Variants in PTPN12 observed in about 807,000 individuals in gnomAD.
PTPN12 encodes the protein protein tyrosine phosphatase non-receptor type 12.
PTPN12 carries 29 observed loss-of-function variants against 97.6 expected under a neutral mutation model. The ratio of observed to expected loss-of-function variants is 0.30; its 90% CI spans 0.22 to 0.41. PTPN12 has a LOEUF of 0.41. Among genes scored for constraint, PTPN12 ranks in the 10% least tolerant of loss-of-function variants. The probability of loss-of-function intolerance (pLI) is 1.00; values close to 1 mark genes in which losing one functional copy is unlikely to be tolerated. For missense variants in PTPN12, 819 were observed against 926.0 expected, an observed-to-expected ratio of 0.88 and a Z score of 1.50; for synonymous variants, 327 against 300.4, an observed-to-expected ratio of 1.09 and a Z score of -0.91.
chr7:77,563,845 A>C (rs529769366), intron 1 of PTPN12: 1 of 297,400 alleles, frequency 3.4e-6, no homozygotes, highest in East Asian at 1.2e-4. Flanking sequence ...AAAGGTAGAC[A>C]TTGCAGTTGT....
intron 9 of PTPN12, among the ~76,000 whole-genome samples, chr7:77,608,973 A>G (rs1369884267): frequency 6.6e-6 from 1 of 152,194 alleles, no homozygotes; most frequent in African/African-American, 2.4e-5. Context: ...TAATTCCAGC[A>G]CTTTTGAAGG....
intron 6 of PTPN12, among the ~76,000 whole-genome samples, chr7:77,593,730 C>A (rs1379329800): frequency 6.6e-6 from 1 of 152,204 alleles, no homozygotes; most frequent in Non-Finnish European, 1.5e-5. Context: ...TTAATCTTCT[C>A]CAAAAACAGT....
At chr7:77,559,178 C>T (rs541986516) in intron 1 of PTPN12, among the ~76,000 whole-genome samples, 2 of 152,326 alleles carry the variant, frequency 1.3e-5, no homozygotes, top group East Asian at 3.8e-4. Flanking sequence ...GACAACGTTT[C>T]ACACATGTTG....
chr7:77,582,517 C>T (rs1363227400), intron 3 of PTPN12, among the ~76,000 whole-genome samples: 1 of 152,020 alleles, frequency 6.6e-6, no homozygotes, highest in Non-Finnish European at 1.5e-5. Flanking sequence ...GGCACGGTGG[C>T]TCATGTCCGT....
intron 8 of PTPN12, among the ~76,000 whole-genome samples, chr7:77,601,837 G>A (rs988888138): frequency 6.6e-6 from 1 of 151,984 alleles, no homozygotes; most frequent in African/African-American, 2.4e-5. Flanking sequence ...ATTTAAAGCC[G>A]GAAGCAAGCA....
chr7:77,636,996 G>T (rs17382715), intron 15 of PTPN12, 22 bp from the exon 16 acceptor site: 36,331 of 1,580,834 alleles, frequency 0.023, 538 homozygotes, highest in Middle Eastern at 0.061. Flanking sequence ...ATTGTAATAG[G>T]TATTAAATGT....
rs1410437744 is a variant in PTPN12 at position 77,638,626 on chromosome 7, C to T, written c.2176C>T (p.His726Tyr). The T allele has an allele frequency of 2.5e-6, 4 of 1,586,900 alleles. No homozygotes were observed. Among genetic ancestry groups the T allele is most frequent in the Middle Eastern group, 1.7e-4 (1 of 5,968 alleles). ...AAAGGCTTTGTGTTGCTACTTAGAT[C>T]ATCCAGCGGGAGGTATTCACTATGA... The part of the protein sequence containing the change: ...LITSENEKCD[H>Y]PAGGIHYEMC... The change falls in exon 17 of 18, where the codon CAT (histidine) becomes TAT (tyrosine). Residue 726 changes from histidine to tyrosine, a missense_variant and splice_region_variant. Coordinates refer to ENST00000248594, the MANE Select transcript of PTPN12 (RefSeq NM_002835.4).
chr7:77,608,765 A>G (rs1733416352), intron 9 of PTPN12, among the ~76,000 whole-genome samples: 1 of 152,228 alleles, frequency 6.6e-6, no homozygotes, highest in African/African-American at 2.4e-5. Flanking sequence ...TTTTTCCTCA[A>G]AAACTATAAT....
intron 13 of PTPN12, among the ~76,000 whole-genome samples, chr7:77,628,337 A>G (rs899306687): frequency 1.3e-5 from 2 of 152,184 alleles, no homozygotes; most frequent in Non-Finnish European, 2.9e-5. Flanking sequence ...TCAGTTCCCA[A>G]AGTGTATTAT....
At chr7:77,555,210 T>G (rs995338889) in intron 1 of PTPN12, among the ~76,000 whole-genome samples, 40 of 151,910 alleles carry the variant, frequency 2.6e-4, no homozygotes, top group African/African-American at 9.7e-4. Context: ...TTTAAACGAT[T>G]TGTTTATCTT....
chr7:77,604,897 C>G (rs1429541746), intron 8 of PTPN12: 2 of 433,608 alleles, frequency 4.6e-6, no homozygotes, highest in Middle Eastern at 3.3e-4. Flanking sequence ...TCCTTTGCCA[C>G]TTACTGAACG....
Position 77,571,320 on chromosome 7 carries a change from A to T in PTPN12, c.208+134A>T, listed in dbSNP as rs79798040. ...CCTATCTTTCAAAGTACATGGAAAG[A>T]TAATAATTCATAATTGTGCTTTTTG... On this transcript the variant is annotated intron_variant, in intron 2 of 17. Coordinates refer to ENST00000248594, the MANE Select transcript of PTPN12 (RefSeq NM_002835.4). The T allele has an allele frequency of 1.6e-3, 945 of 577,912 alleles. 21 individuals carry two copies. In the East Asian group the frequency reaches 0.023, roughly 14 times the overall value. 35.8% of individuals were successfully genotyped at this position (577,912 alleles called of 1,614,324 possible). A position where few individuals can be genotyped will look rare whatever the true frequency, so the allele number is the denominator to read the frequency against.
chr7:77,591,579 G>C (rs1054586271), intron 5 of PTPN12, among the ~76,000 whole-genome samples: 2 of 152,186 alleles, frequency 1.3e-5, no homozygotes, highest in African/African-American at 4.8e-5. Context: ...TCATGTTTGT[G>C]TAGGGCTTTT....
intron 1 of PTPN12, among the ~76,000 whole-genome samples, chr7:77,549,578 G>T (rs890417738): frequency 1.3e-5 from 2 of 148,488 alleles, no homozygotes; most frequent in African/African-American, 2.5e-5. Flanking sequence ...GTTTTTGTTT[G>T]TTTGTTTTTT....
intron 8 of PTPN12, among the ~76,000 whole-genome samples, chr7:77,605,409 G>GTTTTTTTTTTTTTTT (rs751962814): frequency 7.3e-5 from 7 of 95,556 alleles, no homozygotes; most frequent in African/African-American, 2.9e-4. Context: ...TTTGTCATGA[G>GTTTTTTTTTTTTTTT]TTTTTTTTTT....
chr7:77,554,876 C>T (rs1018544854), intron 1 of PTPN12, among the ~76,000 whole-genome samples: 7 of 152,056 alleles, frequency 4.6e-5, no homozygotes, highest in East Asian at 1.9e-4. Flanking sequence ...TTTGTAGAAA[C>T]GAGGTCTCAC....
chr7:77,538,099 G>A (rs1242439105), intron 1 of PTPN12: 5 of 990,898 alleles, frequency 5.0e-6, no homozygotes, highest in Non-Finnish European at 4.8e-6. Context: ...AGGAACGGGG[G>A]TATTGAGGTT....
At chr7:77,540,647 C>CTT (rs77085606) in intron 1 of PTPN12, among the ~76,000 whole-genome samples, 8 of 139,130 alleles carry the variant, frequency 5.8e-5, no homozygotes, top group South Asian at 2.3e-4. Flanking sequence ...TTTTATAGGG[C>CTT]TTTTTTTTTT....
At chr7:77,612,206 A>T (rs1234669537) in intron 11 of PTPN12, among the ~76,000 whole-genome samples, 1 of 152,274 alleles carries the variant, frequency 6.6e-6, no homozygotes, top group South Asian at 2.1e-4. Flanking sequence ...GTTTGTTAGG[A>T]TAATCTAATA....
Sources: allele counts gnomAD v4.1 joint callset (sites outside exome capture counted in the v4.1 genomes callset), GRCh38; gene constraint gnomAD v4.1.1; transcripts MANE v1.5; gene names NCBI Gene and HGNC (gene_info 2026-07-23, HGNC 2026-07-21).